The following BANK1 variants were observed in gnomAD, a reference collection of about 807,000 sequenced individuals.
The protein encoded by BANK1 is B cell scaffold protein with ankyrin repeats 1, also known as B-cell scaffold protein with ankyrin repeats.
A neutral mutation model predicts 94.5 loss-of-function variants in BANK1; 95 were observed. The ratio of observed to expected loss-of-function variants is 1.00; its 90% CI spans 0.85 to 1.19. The LOEUF (loss-of-function observed/expected upper bound fraction) is 1.19, where lower values mean the gene tolerates loss of function less well. Ranked by LOEUF, BANK1 falls within the 50% of genes most tolerant of loss-of-function variation. The pLI, the probability that BANK1 is intolerant of heterozygous loss-of-function variation, is 0.00. For missense variants in BANK1, 987 were observed against 932.2 expected, an observed-to-expected ratio of 1.06 and a Z score of -0.77; for synonymous variants, 334 against 308.4, an observed-to-expected ratio of 1.08 and a Z score of -0.87.
At chr4:101,819,834 TAGTC>T (rs66821932) in intron 1 of BANK1, among the ~76,000 whole-genome samples, 12,707 of 152,214 alleles carry the variant, frequency 0.083, 693 homozygotes, top group Admixed American at 0.19. Flanking sequence ...CAGCAAATGA[TAGTC>T]AGTAGACGAA....
chr4:101,811,544 T>G (rs980035759), intron 1 of BANK1, among the ~76,000 whole-genome samples: 1 of 152,124 alleles, frequency 6.6e-6, no homozygotes, highest in African/African-American at 2.4e-5. Flanking sequence ...TGAATTGTAT[T>G]AGTTTTTGTG....
intron 7 of BANK1, among the ~76,000 whole-genome samples, chr4:101,971,007 G>C (rs900888854): frequency 6.6e-6 from 1 of 152,100 alleles, no homozygotes; most frequent in Non-Finnish European, 1.5e-5. Flanking sequence ...TGCTGCCAAA[G>C]ATGAATGACC....
intron 10 of BANK1, among the ~76,000 whole-genome samples, chr4:102,042,091 CT>C (rs1727720567): frequency 6.6e-6 from 1 of 151,876 alleles, no homozygotes; most frequent in African/African-American, 2.4e-5. Flanking sequence ...CAGCTTTTTC[CT>C]CTTAACCATT....
At chr4:102,073,074 C>T (rs11947367) in intron 15 of BANK1, among the ~76,000 whole-genome samples, 42,211 of 151,698 alleles carry the variant, frequency 0.28, 7,261 homozygotes, top group African/African-American at 0.47. Context: ...TTATAATGAA[C>T]GAATTTTAAT....
chr4:101,881,757 C>T (rs1022888259), intron 5 of BANK1, among the ~76,000 whole-genome samples: 2 of 152,140 alleles, frequency 1.3e-5, no homozygotes, highest in African/African-American at 4.8e-5. Flanking sequence ...GAGATCCTCT[C>T]ATTTGCAACA....
At chr4:102,071,351 C>T in intron 14 of BANK1, 47 bp downstream of exon 14, 1 of 1,550,508 alleles carries the variant, frequency 6.4e-7, no homozygotes, top group Non-Finnish European at 8.9e-7. Flanking sequence ...AAACAAAGTA[C>T]AGAGTAAATC....
intron 1 of BANK1, among the ~76,000 whole-genome samples, chr4:101,823,371 A>G (rs1476295107): frequency 6.6e-6 from 1 of 152,214 alleles, no homozygotes; most frequent in East Asian, 1.9e-4. Flanking sequence ...TTACCTTTGT[A>G]TACCTTATTA....
At chr4:101,959,029 A>C (rs1430964497) in intron 7 of BANK1, among the ~76,000 whole-genome samples, 1 of 152,196 alleles carries the variant, frequency 6.6e-6, no homozygotes, top group Non-Finnish European at 1.5e-5. Flanking sequence ...TATAGCAAGA[A>C]AGTTGAAGGC....
At chr4:102,001,552 A>T (rs747228610) in intron 7 of BANK1, among the ~76,000 whole-genome samples, 1 of 152,208 alleles carries the variant, frequency 6.6e-6, no homozygotes, top group Non-Finnish European at 1.5e-5. Context: ...GTGAGCCGAG[A>T]TTGTGCCACT....
chr4:101,923,616 G>A (rs1723067907), intron 7 of BANK1, among the ~76,000 whole-genome samples: 1 of 151,732 alleles, frequency 6.6e-6, no homozygotes, highest in Non-Finnish European at 1.5e-5. Flanking sequence ...TGTCATAGCT[G>A]GAACAAATGA....
intron 2 of BANK1, among the ~76,000 whole-genome samples, chr4:101,845,197 G>T (rs1727198310): frequency 6.6e-6 from 1 of 151,760 alleles, no homozygotes; most frequent in African/African-American, 2.4e-5. Flanking sequence ...TACCAAAATA[G>T]CTCACATACC....
At chr4:101,825,142 C>A (rs1466034507) in intron 1 of BANK1, among the ~76,000 whole-genome samples, 1 of 152,046 alleles carries the variant, frequency 6.6e-6, no homozygotes, top group East Asian at 1.9e-4. Context: ...ATTTGCAGAT[C>A]TTGATTCCAT....
chr4:101,886,816 A>G (rs748309776), intron 5 of BANK1, among the ~76,000 whole-genome samples: 7 of 152,094 alleles, frequency 4.6e-5, no homozygotes, highest in Non-Finnish European at 7.4e-5. Flanking sequence ...TCATTACTCC[A>G]GAAGTGTATT....
chr4:101,920,826 G>T (rs952085783), intron 7 of BANK1, among the ~76,000 whole-genome samples: 2 of 151,816 alleles, frequency 1.3e-5, no homozygotes, highest in Non-Finnish European at 2.9e-5. Flanking sequence ...AAGGAAAAAA[G>T]AAATTATGAT....
intron 7 of BANK1, among the ~76,000 whole-genome samples, chr4:101,982,733 G>A (rs901628935): frequency 2.6e-5 from 4 of 151,858 alleles, no homozygotes; most frequent in Non-Finnish European, 5.9e-5. Context: ...TATGTAAAGA[G>A]AGCAGCAGTT....
At chr4:101,918,728 A>G (rs1486286133) in intron 7 of BANK1, among the ~76,000 whole-genome samples, 1 of 151,994 alleles carries the variant, frequency 6.6e-6, no homozygotes, top group Non-Finnish European at 1.5e-5. Flanking sequence ...ATAAATTATC[A>G]AAATTTGTCC....
intron 7 of BANK1, among the ~76,000 whole-genome samples, chr4:101,936,446 T>C (rs887162492): frequency 6.7e-6 from 1 of 150,174 alleles, no homozygotes; most frequent in Non-Finnish European, 1.5e-5. Context: ...GTATACATGT[T>C]TGCATATACT....
At chr4:101,814,353 T>C (rs72686716) in intron 1 of BANK1, among the ~76,000 whole-genome samples, 17,168 of 152,206 alleles carry the variant, frequency 0.11, 1,187 homozygotes, top group African/African-American at 0.18. Flanking sequence ...GTCATGATTA[T>C]GCTTACTGTC....
intron 5 of BANK1, among the ~76,000 whole-genome samples, chr4:101,889,523 G>A (rs1182206951): frequency 3.4e-5 from 5 of 145,758 alleles, no homozygotes; most frequent in African/African-American, 7.9e-5. Context: ...GCGTGAACCC[G>A]GGAAGCGGAG....
Sources: allele counts gnomAD v4.1 joint callset (sites outside exome capture counted in the v4.1 genomes callset), GRCh38; gene constraint gnomAD v4.1.1; transcripts MANE v1.5; gene names NCBI Gene and HGNC (gene_info 2026-07-23, HGNC 2026-07-21).